Variants in ZNF831 observed in about 807,000 individuals in gnomAD.
ZNF831 encodes chromosome 20 open reading frame 174.
In ZNF831, 59 loss-of-function variants were observed where a neutral mutation model predicts 95.8. The ratio of observed to expected loss-of-function variants is 0.62; its 90% CI spans 0.50 to 0.77. ZNF831 has a LOEUF of 0.77. ZNF831 is among the 30% of genes least tolerant of loss of function. The probability of loss-of-function intolerance (pLI) is 0.00; values close to 1 mark genes in which losing one functional copy is unlikely to be tolerated. For synonymous variants in ZNF831, 961 were observed against 925.5 expected (o/e 1.04, Z -0.70); for missense variants, 2,205 against 2,164.0 (o/e 1.02, Z -0.38).
chr20:59,151,518 C>T (rs1002515189), intron 2 of ZNF831, among the ~76,000 whole-genome samples: 1 of 152,126 alleles, frequency 6.6e-6, no homozygotes. Context: ...CAGATGAAAA[C>T]CTCGAGGCTT....
In ZNF831 at chr20:59,191,794, C is replaced by A. The variant is rs2146553940; in HGVS notation, c.775C>A (p.Leu259Met). 1 of 1,613,074 alleles carries A rather than the reference C, an allele frequency of 6.2e-7. No individual in the cohort carries two copies. The highest frequency in any genetic ancestry group is 8.5e-7 in the Non-Finnish European group (1 of 1,179,820). ...GAHVPLLAKN[L>M]DVRTEAAPCP... The stretch of plus-strand genomic sequence containing the variant: ...CCACGTGCCCCTACTTGCCAAGAAC[C>A]TGGATGTGAGGACCGAAGCTGCTCC... Residue 259 changes from leucine (L) to methionine (M), a missense_variant, in exon 2 of 6, where the codon CTG becomes ATG. Leu to Met is a conservative substitution (Grantham distance 15). Coordinates refer to ENST00000371030, the MANE Select transcript of ZNF831 (RefSeq NM_178457.3).
At chr20:59,143,431 G>C (rs998556240) in intron 1 of ZNF831, among the ~76,000 whole-genome samples, 7 of 152,178 alleles carry the variant, frequency 4.6e-5, no homozygotes, top group African/African-American at 1.7e-4. Flanking sequence ...TCCCTTCCTT[G>C]AAAGCCTTAT....
chr20:59,253,124 A>G lies in ZNF831; in HGVS notation c.4174A>G (p.Lys1392Glu), dbSNP rs759545085. Residue 1392 changes from lysine to glutamate, a missense_variant, in exon 5 of 6, where the codon AAA becomes GAA. Transcript: ENST00000371030. ...TSSRIVREMD[K>E]RTVKDISPSA... The stretch of plus-strand genomic sequence containing the variant: ...TTCAAGAATTGTCAGGGAAATGGAC[A>G]AACGAACTGTGAAGGTGGGCATGAT... The G allele has an allele frequency of 6.2e-7, 1 of 1,614,060 alleles. No individual in the cohort carries two copies. The highest frequency in any genetic ancestry group is 1.7e-5 in the Admixed American group (1 of 60,010).
At position 59,144,628 on chromosome 20, in the gene ZNF831, G is replaced by A. The variant is rs146958916; in HGVS notation, c.-1424-1603G>A. Among the ~76,000 whole-genome samples, 1,164 of 152,330 alleles carry A rather than the reference G, an allele frequency of 7.6e-3. 9 individuals carry two copies. The highest frequency in any genetic ancestry group is 0.017 in the Admixed American group (265 of 15,308). Reference sequence around the variant, plus strand: ...GCTTGCCCGAGGCCCTACAGTTGGCGTGCTGTGGAGGGTCTGTCAGCCTCT... The same window carrying A: ...GCTTGCCCGAGGCCCTACAGTTGGCATGCTGTGGAGGGTCTGTCAGCCTCT... On this transcript the variant is annotated intron_variant, in intron 1 of 7. Transcript: ENST00000637017.
upstream of ZNF831, among the ~76,000 whole-genome samples, chr20:59,161,946 T>C (rs1244381890): frequency 1.3e-5 from 2 of 152,214 alleles, no homozygotes; most frequent in Non-Finnish European, 2.9e-5. Flanking sequence ...GACTTTTTAG[T>C]CATAGCCATT....
chr20:59,167,625 C>T (rs538875858), intron 1 of ZNF831, among the ~76,000 whole-genome samples: 5 of 151,590 alleles, frequency 3.3e-5, no homozygotes, highest in African/African-American at 1.2e-4. Flanking sequence ...GAGTTAATTT[C>T]TATATAAGTA....
intron 1 of ZNF831, among the ~76,000 whole-genome samples, chr20:59,132,575 T>G (rs1979381056): frequency 6.6e-6 from 1 of 152,230 alleles, no homozygotes; most frequent in Non-Finnish European, 1.5e-5. Flanking sequence ...TGCTTTTCTT[T>G]TGATGATCAG....
At chr20:59,145,869 C>T (rs759821839) in intron 1 of ZNF831, among the ~76,000 whole-genome samples, 10 of 152,292 alleles carry the variant, frequency 6.6e-5, no homozygotes, top group African/African-American at 2.4e-4. Flanking sequence ...GAGAAATGCC[C>T]ACCCTCACCC....
At chr20:59,153,937 C>A (rs1216332260) in intron 2 of ZNF831, among the ~76,000 whole-genome samples, 1 of 152,114 alleles carries the variant, frequency 6.6e-6, no homozygotes, top group African/African-American at 2.4e-5. Flanking sequence ...AGGGCATTGT[C>A]CTGTTCAGGT....
intron 1 of ZNF831, among the ~76,000 whole-genome samples, chr20:59,126,255 C>T (rs1376994556): frequency 1.3e-5 from 2 of 152,176 alleles, no homozygotes; most frequent in Non-Finnish European, 2.9e-5. Context: ...TCTTTACCCT[C>T]CAAGGTGTTT....
chr20:59,167,889 C>T (rs950493407), intron 1 of ZNF831, among the ~76,000 whole-genome samples: 14 of 151,798 alleles, frequency 9.2e-5, no homozygotes, highest in African/African-American at 3.1e-4. Context: ...AAAAAAAAAT[C>T]AGTTGGGTAT....
At chr20:59,158,388 G>C (rs999401800) in intron 2 of ZNF831, among the ~76,000 whole-genome samples, 15 of 152,228 alleles carry the variant, frequency 9.9e-5, no homozygotes, top group Non-Finnish European at 1.9e-4. Flanking sequence ...AGTCTGTGCT[G>C]CACAGGGAGA....
At chr20:59,227,268 C>T (rs1342009990) in intron 4 of ZNF831, among the ~76,000 whole-genome samples, 1 of 152,158 alleles carries the variant, frequency 6.6e-6, no homozygotes, top group Non-Finnish European at 1.5e-5. Flanking sequence ...AGAGAGTTCT[C>T]TGTAAAATGG....
rs186859771 is a variant in ZNF831, at chr20:59,163,967, T to G, written c.-277T>G. On this transcript the variant is annotated 5_prime_UTR_variant, in exon 1 of 6. Transcript: ENST00000371030. ...TATTTTCTAAGGCTCAGGGAGCATC[T>G]CTCCGTTCTCTGAGATGCTGCCTGC... Among the ~76,000 whole-genome samples, 154 of 152,278 alleles carry G rather than the reference T, an allele frequency of 1.0e-3. No individual in the cohort carries two copies. The highest frequency in any genetic ancestry group is 3.5e-3 in the African/African-American group (144 of 41,536).
At chr20:59,240,834 T>C (rs1987295225) in intron 4 of ZNF831, among the ~76,000 whole-genome samples, 1 of 151,968 alleles carries the variant, frequency 6.6e-6, no homozygotes, top group African/African-American at 2.4e-5. Context: ...TAAATAAAAA[T>C]ATTTCTAGGG....
intron 4 of ZNF831, among the ~76,000 whole-genome samples, chr20:59,219,158 G>A (rs983279512): frequency 1.3e-5 from 2 of 152,158 alleles, no homozygotes; most frequent in Non-Finnish European, 2.9e-5. Context: ...AATGCAATTA[G>A]GTATGCATTT....
intron 2 of ZNF831, among the ~76,000 whole-genome samples, chr20:59,155,620 C>T (rs1238856969): frequency 6.6e-6 from 1 of 152,176 alleles, no homozygotes; most frequent in Non-Finnish European, 1.5e-5. Context: ...GCTTCCGCTG[C>T]CCAGCGCAGC....
intron 4 of ZNF831, among the ~76,000 whole-genome samples, chr20:59,214,420 G>A (rs1426202840): frequency 6.6e-6 from 1 of 152,144 alleles, no homozygotes; most frequent in African/African-American, 2.4e-5. Flanking sequence ...TTCTCACTTG[G>A]AATGCCTTTC....
At chr20:59,142,597 T>C (rs1979717888) in intron 1 of ZNF831, among the ~76,000 whole-genome samples, 1 of 152,244 alleles carries the variant, frequency 6.6e-6, no homozygotes, top group Admixed American at 6.5e-5. Context: ...CCCTTTCCAG[T>C]GATCTCAGCG....
Sources: gnomAD v4.1 joint callset for allele counts (sites outside exome capture counted in the v4.1 genomes callset) on GRCh38, gnomAD v4.1.1 for gene constraint, MANE v1.5 for transcripts, NCBI Gene and HGNC (gene_info 2026-07-23, HGNC 2026-07-21) for gene names.